The following MSRA variants were observed in gnomAD, a reference collection of about 807,000 sequenced individuals.
MSRA encodes the protein mitochondrial peptide methionine sulfoxide reductase.
In MSRA, 54 loss-of-function variants were observed where a neutral mutation model predicts 31.3. The ratio of observed to expected loss-of-function variants is 1.73; its 90% CI spans 1.39 to 2.17. The LOEUF is 2.17. Ranked by LOEUF, MSRA falls within the 30% of genes most tolerant of loss-of-function variation. The probability of loss-of-function intolerance (pLI) is 0.00; values close to 1 mark genes in which losing one functional copy is unlikely to be tolerated. For missense variants in MSRA, 507 were observed against 300.9 expected, an observed-to-expected ratio of 1.69 and a Z score of -5.07; for synonymous variants, 169 against 116.5, an observed-to-expected ratio of 1.45 and a Z score of -2.90.
At chr8:10,145,491 A>G (rs778730899) in intron 1 of MSRA, among the ~76,000 whole-genome samples, 3 of 152,200 alleles carry the variant, frequency 2.0e-5, no homozygotes, top group Non-Finnish European at 2.9e-5. Flanking sequence ...TGCCGCCTGC[A>G]TAATTCATTT....
chr8:10,264,776 G>C (rs1188093336), intron 3 of MSRA, among the ~76,000 whole-genome samples: 1 of 152,204 alleles, frequency 6.6e-6, no homozygotes, highest in Non-Finnish European at 1.5e-5. Context: ...TTTATATCAA[G>C]TCCCAGGAAC....
chr8:10,352,798 C>A (rs923798065), intron 5 of MSRA, among the ~76,000 whole-genome samples: 1 of 152,082 alleles, frequency 6.6e-6, no homozygotes, highest in Non-Finnish European at 1.5e-5. Flanking sequence ...GGGATCAGAA[C>A]GCGTGCCAGA....
intron 4 of MSRA, among the ~76,000 whole-genome samples, chr8:10,305,326 C>A (rs1377291409): frequency 6.6e-6 from 1 of 151,466 alleles, no homozygotes; most frequent in Non-Finnish European, 1.5e-5. Context: ...TCAGCATGTT[C>A]TTTCCTGCTT....
At chr8:10,076,262 T>A (rs1797991890) in intron 1 of MSRA, among the ~76,000 whole-genome samples, 1 of 152,214 alleles carries the variant, frequency 6.6e-6, no homozygotes, top group Non-Finnish European at 1.5e-5. Flanking sequence ...TAGGGACACT[T>A]AGGGGACAGT....
intron 1 of MSRA, among the ~76,000 whole-genome samples, chr8:10,203,500 T>C (rs774863311): frequency 3.3e-5 from 5 of 152,232 alleles, no homozygotes; most frequent in Non-Finnish European, 7.3e-5. Context: ...TGAAAGATTT[T>C]TATCACCTAG....
At chr8:10,285,452 A>G (rs187920510) in intron 3 of MSRA, among the ~76,000 whole-genome samples, 1 of 152,314 alleles carries the variant, frequency 6.6e-6, no homozygotes, top group East Asian at 1.9e-4. Flanking sequence ...CAGAGTAATT[A>G]GCATATCCAT....
intron 1 of MSRA, among the ~76,000 whole-genome samples, chr8:10,149,321 C>T (rs551173411): frequency 6.6e-6 from 1 of 152,142 alleles, no homozygotes; most frequent in African/African-American, 2.4e-5. Context: ...TGGGGTTTCA[C>T]TGTGTTGACC....
intron 1 of MSRA, among the ~76,000 whole-genome samples, chr8:10,188,753 A>G (rs1441823236): frequency 6.6e-6 from 1 of 152,234 alleles, no homozygotes; most frequent in Non-Finnish European, 1.5e-5. Flanking sequence ...AACTTATGCC[A>G]TTACCACACT....
chr8:10,408,265 G>C (rs1807942681), intron 5 of MSRA, among the ~76,000 whole-genome samples: 1 of 152,184 alleles, frequency 6.6e-6, no homozygotes, highest in Non-Finnish European at 1.5e-5. Context: ...GGCTGGGCGT[G>C]GTGGCTCATG....
At chr8:10,101,189 A>G (rs1799506250) in intron 1 of MSRA, among the ~76,000 whole-genome samples, 1 of 152,162 alleles carries the variant, frequency 6.6e-6, no homozygotes, top group African/African-American at 2.4e-5. Context: ...TGGCCAAGTT[A>G]TGTAAACCTA....
At chr8:10,222,444 G>T (rs1268860006) in intron 2 of MSRA, among the ~76,000 whole-genome samples, 1 of 151,992 alleles carries the variant, frequency 6.6e-6, no homozygotes, top group African/African-American at 2.4e-5. Context: ...AAAACAGTGT[G>T]GAGGTTTGTA....
chr8:10,394,302 A>C lies in MSRA; in HGVS notation c.544-33846A>C, dbSNP rs147375658. On this transcript the variant is annotated intron_variant, in intron 5 of 5. Transcript: ENST00000317173. ...CCAGCGACGATAGTTTGTATTTTCA[A>C]ATACACTGTAGCAGTGTACCAGATC... Among the ~76,000 whole-genome samples, 65 of 152,266 alleles carry C rather than the reference A, an allele frequency of 4.3e-4. 2 individuals carry two copies. The East Asian group carries it at 0.012, about 29-fold the overall frequency.
intron 1 of MSRA, among the ~76,000 whole-genome samples, chr8:10,112,785 G>C (rs1056684230): frequency 1.6e-4 from 25 of 152,060 alleles, no homozygotes; most frequent in African/African-American, 5.8e-4. Flanking sequence ...GGTTGGAGAA[G>C]TTTTTCTCTT....
chr8:10,338,483 C>G lies in MSRA; in HGVS notation c.543+18494C>G, dbSNP rs942243100. On this transcript the variant is annotated intron_variant, in intron 5 of 5. Coordinates refer to ENST00000317173, the MANE Select transcript of MSRA (RefSeq NM_012331.5). ...GTATATTTCAGAATAACTAAGAGCACATTTAACACGTCTCACCATAAAAAA... is the reference window on the plus strand; with the variant it reads ...GTATATTTCAGAATAACTAAGAGCAGATTTAACACGTCTCACCATAAAAAA... 2.6e-5 allele frequency among the ~76,000 whole-genome samples: 4 copies of G among 152,122 alleles called. No individual in the cohort carries two copies. In the East Asian group the frequency reaches 5.8e-4, roughly 22 times the overall value.
chr8:10,339,643 G>A (rs920475631), intron 5 of MSRA, among the ~76,000 whole-genome samples: 5 of 140,032 alleles, frequency 3.6e-5, no homozygotes, highest in Admixed American at 7.9e-5. Flanking sequence ...CCAGGTTCAC[G>A]CCATTCTCCT....
chr8:10,217,302 G>T (rs567801752), intron 2 of MSRA, among the ~76,000 whole-genome samples: 1 of 152,316 alleles, frequency 6.6e-6, no homozygotes, highest in Admixed American at 6.5e-5. Context: ...AAGTCTCGTG[G>T]CTGTTTGCCA....
chr8:10,317,521 T>C (rs967792509), intron 4 of MSRA, among the ~76,000 whole-genome samples: 3 of 152,098 alleles, frequency 2.0e-5, no homozygotes, highest in Admixed American at 2.0e-4. Context: ...TTGGAGAAAG[T>C]GGATGGAGAA....
chr8:10,286,041 C>T (rs1799917013), intron 3 of MSRA, among the ~76,000 whole-genome samples: 1 of 152,020 alleles, frequency 6.6e-6, no homozygotes, highest in African/African-American at 2.4e-5. Context: ...TCAGAGGGAG[C>T]TGTGGGGTTC....
chr8:10,273,831 G>T (rs1251037023), intron 3 of MSRA, among the ~76,000 whole-genome samples: 1 of 152,144 alleles, frequency 6.6e-6, no homozygotes, highest in Non-Finnish European at 1.5e-5. Flanking sequence ...CTGAGAAAGA[G>T]AATTGGAGGC....
Sources: allele counts gnomAD v4.1 joint callset (sites outside exome capture counted in the v4.1 genomes callset), GRCh38; gene constraint gnomAD v4.1.1; transcripts MANE v1.5; gene names NCBI Gene and HGNC (gene_info 2026-07-23, HGNC 2026-07-21).